Variants in ASIC5 observed in about 807,000 individuals in gnomAD.
The protein encoded by ASIC5 is acid sensing ion channel subunit family member 5.
ASIC5 carries 52 observed loss-of-function variants against 51.2 expected under a neutral mutation model. The ratio of observed to expected loss-of-function variants is 1.02; its 90% confidence interval spans 0.81 to 1.28. The LOEUF is 1.28. Ranked by LOEUF, ASIC5 falls within the 50% of genes most tolerant of loss-of-function variation. The pLI is 0.00. For synonymous variants in ASIC5, 231 were observed against 200.7 expected (o/e 1.15, Z -1.28); for missense variants, 635 against 595.0 (o/e 1.07, Z -0.70).
chr4:155,833,095 T>A (rs1328360026), intron 8 of ASIC5, among the ~76,000 whole-genome samples: 1 of 152,176 alleles, frequency 6.6e-6, no homozygotes, highest in Non-Finnish European at 1.5e-5. Flanking sequence ...AGGATTTTTG[T>A]CTTTTATACA....
In ASIC5 at chr4:155,829,781, G is replaced by A. The variant is rs56853586; in HGVS notation, c.*75C>T. 6.6e-6 allele frequency: 6 copies of A among 914,056 alleles called. No individual in the cohort carries two copies. The highest frequency in any genetic ancestry group is 2.8e-5 in the East Asian group (1 of 35,832). The allele number at this position is 914,056 out of a possible 1,614,324, so 56.6% of individuals were successfully genotyped here. On this transcript the variant is annotated 3_prime_UTR_variant, in exon 10 of 10. Coordinates refer to ENST00000537611, the MANE Select transcript of ASIC5 (RefSeq NM_017419.3). The stretch of plus-strand genomic sequence containing the variant: ...ATCGAACTCTCAAAACTATAGAAAA[G>A]TGACGTAACAATGAATTAGTCAAGA...
At chr4:155,860,711 C>A (rs7698514) in intron 2 of ASIC5, among the ~76,000 whole-genome samples, 110,461 of 151,632 alleles carry the variant, frequency 0.73, 43,324 homozygotes, top group Non-Finnish European at 0.87. Flanking sequence ...TTATATCTAA[C>A]TGAACTAGGA....
intron 8 of ASIC5, among the ~76,000 whole-genome samples, chr4:155,832,699 A>AAGGAAAT (rs1249527981): frequency 6.6e-6 from 1 of 152,122 alleles, no homozygotes; most frequent in Non-Finnish European, 1.5e-5. Context: ...CCTTATTTAT[A>AAGGAAAT]GTGTAAATTT....
At chr4:155,865,728 T>A (rs1741846183) in intron 1 of ASIC5, among the ~76,000 whole-genome samples, 1 of 152,110 alleles carries the variant, frequency 6.6e-6, no homozygotes, top group Non-Finnish European at 1.5e-5. Flanking sequence ...GTCAGGAAGA[T>A]TAAAATTGGT....
Position 155,842,489 on chromosome 4 carries a change from G to A in ASIC5, c.862-135C>T, listed in dbSNP as rs971827701. ...TTCAAAACCAAAATTGGTTACATTT[G>A]TCTATTTTGCCTACTCTATTGACCT... On this transcript the variant is annotated intron_variant, in intron 5 of 9. Coordinates refer to ENST00000537611, the MANE Select transcript of ASIC5 (RefSeq NM_017419.3). 8.0e-6 allele frequency: 6 copies of A among 750,456 alleles called. No homozygotes were observed. In the African/African-American group the frequency reaches 1.1e-4, roughly 13 times the overall value. 46.5% of individuals were successfully genotyped at this position (750,456 alleles called of 1,614,324 possible). A position where few individuals can be genotyped will look rare whatever the true frequency, so the allele number is the denominator to read the frequency against.
chr4:155,852,336 C>CA lies in ASIC5; in HGVS notation c.586-21dup, dbSNP rs772125746. 113 of 1,559,330 alleles carry CA rather than the reference C, an allele frequency of 7.2e-5. No homozygotes were observed. Among genetic ancestry groups the CA allele is most frequent in the South Asian group, 3.2e-4 (27 of 83,436 alleles). ...AAAATCCTCCAATATGTAAATGAAC[C>CA]AAAAAAAACCATCAATTTGATATTT... On this transcript the variant is annotated intron_variant, in intron 3 of 9. Coordinates refer to ENST00000537611, the MANE Select transcript of ASIC5 (RefSeq NM_017419.3).
intron 4 of ASIC5, among the ~76,000 whole-genome samples, chr4:155,846,870 T>C (rs1458561182): frequency 6.6e-6 from 1 of 151,974 alleles, no homozygotes; most frequent in Non-Finnish European, 1.5e-5. Context: ...AAAAAGTGTG[T>C]CCTTTATAAA....
At chr4:155,856,682 A>G (rs1741549749) in intron 2 of ASIC5, among the ~76,000 whole-genome samples, 1 of 152,072 alleles carries the variant, frequency 6.6e-6, no homozygotes, top group Admixed American at 6.6e-5. Context: ...TCAGGAACAG[A>G]TTTTGGCAGA....
intron 4 of ASIC5, among the ~76,000 whole-genome samples, chr4:155,845,023 T>A (rs1741208743): frequency 1.3e-5 from 2 of 151,798 alleles, no homozygotes; most frequent in African/African-American, 4.8e-5. Flanking sequence ...CCCAACTTGG[T>A]CAAATCCAAA....
chr4:155,859,320 G>A (rs1418555479), intron 2 of ASIC5, among the ~76,000 whole-genome samples: 2 of 151,506 alleles, frequency 1.3e-5, no homozygotes, highest in African/African-American at 2.4e-5. Flanking sequence ...CATTTTTATT[G>A]ACATGAATAT....
In ASIC5 at chr4:155,853,096, T is replaced by C. The variant is rs1207564584; in HGVS notation, c.586-780A>G. The stretch of plus-strand genomic sequence containing the variant: ...TTAAGCCAATTCATTACTTTTAGTC[T>C]TCAGTTTACTAGAACAGAAATGGGT... On this transcript the variant is annotated intron_variant, in intron 3 of 9. Coordinates refer to ENST00000537611, the MANE Select transcript of ASIC5 (RefSeq NM_017419.3). Among the ~76,000 whole-genome samples the C allele has an allele frequency of 3.3e-5, 5 of 152,210 alleles. No individual in the cohort carries two copies. The East Asian group carries it at 9.7e-4, about 29-fold the overall frequency.
chr4:155,861,272 GTT>G (rs996805637), intron 2 of ASIC5, among the ~76,000 whole-genome samples: 3 of 151,894 alleles, frequency 2.0e-5, no homozygotes, highest in Non-Finnish European at 1.5e-5. Context: ...AGTCTAGTAG[GTT>G]TATAAAGATG....
At chr4:155,864,439 A>G (rs903135726) in intron 1 of ASIC5, 1 of 152,144 alleles carries the variant, frequency 6.6e-6, no homozygotes, top group Non-Finnish European at 1.5e-5. Flanking sequence ...AGGTAACACT[A>G]AATTTTTTTG....
Position 155,863,704 on chromosome 4 carries a change from G to T in ASIC5, c.91C>A (p.Pro31Thr). The change falls in exon 2 of 10, where the codon CCC (proline) becomes ACC (threonine). Residue 31 changes from proline to threonine, a missense_variant. Transcript: ENST00000537611. Reference protein sequence around the residue: ...LCLSKKPLPSPTERKKFDHDF... With the variant: ...LCLSKKPLPSTTERKKFDHDF... The stretch of plus-strand genomic sequence containing the variant: ...TGGTCAAACTTCTTTCGCTCAGTGG[G>T]AGATGGCAGTGGTTTCTTTGAAAGG... 1 of 1,613,878 alleles carries T rather than the reference G, an allele frequency of 6.2e-7. No individual in the cohort carries two copies. The highest frequency in any genetic ancestry group is 8.5e-7 in the Non-Finnish European group (1 of 1,179,870).
In ASIC5 at chr4:155,866,197, A is replaced by G; in HGVS notation, c.30T>C (p.Tyr10=). The G allele has an allele frequency of 6.2e-7, 1 of 1,607,438 alleles. No individual in the cohort carries two copies. The highest frequency in any genetic ancestry group is 8.5e-7 in the Non-Finnish European group (1 of 1,174,638). ...TCACTCTTTACTCACCGTTCTCAGC[A>G]TATACTTTTGATTTTTCTGTCTGCT... MEQTEKSKV[Y]AENGLLEKIK... The change falls in exon 1 of 10, where the codon TAT becomes TAC. Residue 10 remains tyrosine, a synonymous_variant. Coordinates refer to ENST00000537611, the MANE Select transcript of ASIC5 (RefSeq NM_017419.3).
chr4:155,863,480 C>T lies in ASIC5; in HGVS notation c.315G>A (p.Glu105=), dbSNP rs760027653. The T allele has an allele frequency of 8.1e-6, 13 of 1,613,330 alleles. No individual in the cohort carries two copies. In the Admixed American group the frequency reaches 8.4e-5, roughly 10 times the overall value. Residue 105 remains glutamate (E), a synonymous_variant, in exon 2 of 10, where the codon GAG becomes GAA. Transcript: ENST00000537611. ...AATTACAAAATGTCACAGCTGGGAACTCCATCTTTTCCACATATTGAACCT... is the reference window on the plus strand; with the variant it reads ...AATTACAAAATGTCACAGCTGGGAATTCCATCTTTTCCACATATTGAACCT... ...SIEVQYVEKM[E]FPAVTFCNLN...
chr4:155,853,681 A>G (rs1191788001), intron 3 of ASIC5, among the ~76,000 whole-genome samples: 1 of 150,106 alleles, frequency 6.7e-6, no homozygotes, highest in Non-Finnish European at 1.5e-5. Context: ...CTTATTTTCT[A>G]TAGTCTCTAA....
chr4:155,853,994 A>C (rs1741455502), intron 3 of ASIC5, 83 bp downstream of exon 3: 2 of 1,041,352 alleles, frequency 1.9e-6, no homozygotes, highest in Non-Finnish European at 2.9e-6. Context: ...CCATGGGAGT[A>C]AATGCCGTGG....
intron 2 of ASIC5, among the ~76,000 whole-genome samples, chr4:155,857,394 G>C (rs1174561430): frequency 6.6e-6 from 1 of 151,978 alleles, no homozygotes; most frequent in Admixed American, 6.6e-5. Flanking sequence ...AAAGTGCTGG[G>C]ATTATAGGCA....
Sources: gnomAD v4.1 joint callset for allele counts (sites outside exome capture counted in the v4.1 genomes callset) on GRCh38, gnomAD v4.1.1 for gene constraint, MANE v1.5 for transcripts, NCBI Gene and HGNC (gene_info 2026-07-23, HGNC 2026-07-21) for gene names.